The following PLS1 variants were observed in gnomAD, a reference collection of about 807,000 sequenced individuals.
The protein encoded by PLS1 is plastin-1.
Under a neutral mutation model 73.7 loss-of-function variants are expected in PLS1, and 32 were observed. That is an observed-to-expected ratio of 0.43 (90% CI 0.33 to 0.58). PLS1 has a LOEUF of 0.58. Among genes scored for constraint, PLS1 ranks in the 20% least tolerant of loss-of-function variants. The pLI, the probability that PLS1 is intolerant of heterozygous loss-of-function variation, is 0.04. For synonymous variants in PLS1, 217 were observed against 261.3 expected, an observed-to-expected ratio of 0.83 and a Z score of 1.63; for missense variants, 633 against 740.5, an observed-to-expected ratio of 0.85 and a Z score of 1.68.
intron 9 of PLS1, among the ~76,000 whole-genome samples, chr3:142,687,551 T>A (rs777873978): frequency 2.0e-5 from 3 of 152,098 alleles, no homozygotes; most frequent in Non-Finnish European, 4.4e-5. Flanking sequence ...GTAAAAAAAT[T>A]AGGAACTTAA....
chr3:142,600,207 G>T (rs1175411554), intron 1 of PLS1, among the ~76,000 whole-genome samples: 1 of 152,188 alleles, frequency 6.6e-6, no homozygotes, highest in Non-Finnish European at 1.5e-5. Flanking sequence ...GCCAGTTCAA[G>T]GTTGAGTGTA....
intron 1 of PLS1, among the ~76,000 whole-genome samples, chr3:142,613,906 C>A: frequency 6.6e-6 from 1 of 152,262 alleles, no homozygotes; most frequent in South Asian, 2.1e-4. Flanking sequence ...AAACAACATA[C>A]TTTTATTTGC....
intron 11 of PLS1, among the ~76,000 whole-genome samples, chr3:142,695,518 A>G (rs1577903149): frequency 6.6e-6 from 1 of 152,134 alleles, no homozygotes; most frequent in African/African-American, 2.4e-5. Flanking sequence ...CTGTTACAGT[A>G]GCAGGGAAGT....
chr3:142,603,378 C>G (rs2035959998), intron 1 of PLS1, among the ~76,000 whole-genome samples: 1 of 152,168 alleles, frequency 6.6e-6, no homozygotes, highest in Non-Finnish European at 1.5e-5. Context: ...TATTTCCTAG[C>G]AGAGTTAGAC....
chr3:142,674,914 A>T (rs1032219145), intron 4 of PLS1, among the ~76,000 whole-genome samples: 2 of 152,076 alleles, frequency 1.3e-5, no homozygotes, highest in African/African-American at 4.8e-5. Context: ...ATTTTTTAGT[A>T]GAGATGGGGT....
intron 1 of PLS1, among the ~76,000 whole-genome samples, chr3:142,659,283 C>A (rs2037311254): frequency 6.6e-6 from 1 of 152,134 alleles, no homozygotes; most frequent in South Asian, 2.1e-4. Flanking sequence ...GACAGGGCCA[C>A]TGTGGAAGAT....
At chr3:142,653,364 C>CTT (rs34669181) in intron 1 of PLS1, among the ~76,000 whole-genome samples, 2 of 132,212 alleles carry the variant, frequency 1.5e-5, no homozygotes, top group Non-Finnish European at 3.3e-5. Context: ...AGGTCAGAAA[C>CTT]TTTTTTTTTT....
rs1560059727 is a variant in PLS1, at chr3:142,669,558, GTAATC to G, written c.234+11_234+15del. The G allele has an allele frequency of 1.2e-6, 2 of 1,605,996 alleles. No individual in the cohort carries two copies. The highest frequency in any genetic ancestry group is 2.2e-5 in the East Asian group (1 of 44,722). On this transcript the variant is annotated splice_donor_region_variant and intron_variant, in intron 3 of 15. Coordinates refer to ENST00000457734, the MANE Select transcript of PLS1 (RefSeq NM_001145319.2). ...AGTTTTGAAGAGTTTGTGTCAGTAAGTAATCTAATCCTTTCGGGCTACTGATAATC... is the reference window on the plus strand; with the variant it reads ...AGTTTTGAAGAGTTTGTGTCAGTAAGTAATCCTTTCGGGCTACTGATAATC...
chr3:142,661,154 A>G (rs765049667), intron 1 of PLS1, among the ~76,000 whole-genome samples: 6 of 152,216 alleles, frequency 3.9e-5, no homozygotes, highest in Non-Finnish European at 8.8e-5. Context: ...ATGCTTAACA[A>G]TCCTAAAAAA....
At chr3:142,636,476 C>A (rs1336045889) in intron 1 of PLS1, among the ~76,000 whole-genome samples, 2 of 152,000 alleles carry the variant, frequency 1.3e-5, no homozygotes, top group African/African-American at 4.8e-5. Flanking sequence ...CCAGAAAATA[C>A]AAAACTTCTG....
intron 11 of PLS1, among the ~76,000 whole-genome samples, chr3:142,696,039 C>T (rs910109626): frequency 2.0e-5 from 3 of 152,180 alleles, no homozygotes; most frequent in African/African-American, 7.2e-5. Context: ...GGTGATCTGC[C>T]TGCCTCGGCC....
rs1254548189 is a variant in PLS1, at chr3:142,694,609, TA to T, written c.1256+63del. Reference sequence around the variant, plus strand: ...GTCCAACTTTTCAAGTTTCAAACTGTAGGCATGTTTAAATGGAACATTTTCT... The same window carrying T: ...GTCCAACTTTTCAAGTTTCAAACTGTGGCATGTTTAAATGGAACATTTTCT... On this transcript the variant is annotated intron_variant, in intron 11 of 15. Transcript: ENST00000457734. 4.3e-6 allele frequency: 4 copies of T among 923,530 alleles called. No homozygotes were observed. In the Admixed American group the frequency reaches 6.1e-5, roughly 14 times the overall value. The allele number at this position is 923,530 out of a possible 1,614,324, so 57.2% of individuals were successfully genotyped here. A position where few individuals can be genotyped will look rare whatever the true frequency, so the allele number is the denominator to read the frequency against.
intron 1 of PLS1, among the ~76,000 whole-genome samples, chr3:142,611,358 A>G (rs2036117402): frequency 6.6e-6 from 1 of 152,214 alleles, no homozygotes; most frequent in African/African-American, 2.4e-5. Flanking sequence ...ATGGTGGCTC[A>G]TGTCTGTAAT....
chr3:142,671,522 C>T (rs2037604210), intron 4 of PLS1, among the ~76,000 whole-genome samples: 1 of 152,050 alleles, frequency 6.6e-6, no homozygotes, highest in South Asian at 2.1e-4. Context: ...GGAGAGGCTT[C>T]TATCACAAGG....
At chr3:142,615,809 G>A (rs1307975207) in intron 1 of PLS1, among the ~76,000 whole-genome samples, 2 of 152,132 alleles carry the variant, frequency 1.3e-5, no homozygotes, top group East Asian at 3.9e-4. Context: ...ACCCCACTCT[G>A]TAAAAACCAC....
intron 1 of PLS1, among the ~76,000 whole-genome samples, chr3:142,623,054 G>A (rs73228782): frequency 0.093 from 14,081 of 152,144 alleles, 797 homozygotes; most frequent in Non-Finnish European, 0.13. Flanking sequence ...GTACTCCTGG[G>A]CTCAGGTGGT....
At chr3:142,626,087 C>T (rs1328614796) in intron 1 of PLS1, among the ~76,000 whole-genome samples, 11 of 152,136 alleles carry the variant, frequency 7.2e-5, no homozygotes, top group Admixed American at 7.2e-4. Flanking sequence ...TAAAACTAAA[C>T]TTAAGAGGAT....
chr3:142,669,664 G>T, intron 3 of PLS1, 111 bp downstream of exon 3: 1 of 594,914 alleles, frequency 1.7e-6, no homozygotes, highest in Non-Finnish European at 2.8e-6. Context: ...AAAAAGGACT[G>T]CTTTAAAATG....
chr3:142,658,889 G>A (rs953118803), intron 1 of PLS1, among the ~76,000 whole-genome samples: 4 of 152,120 alleles, frequency 2.6e-5, no homozygotes, highest in African/African-American at 7.2e-5. Flanking sequence ...GATGCTTGCC[G>A]TGAGAGAGTA....
Sources: gnomAD v4.1 joint callset for allele counts (sites outside exome capture counted in the v4.1 genomes callset) on GRCh38, gnomAD v4.1.1 for gene constraint, MANE v1.5 for transcripts, NCBI Gene and HGNC (gene_info 2026-07-23, HGNC 2026-07-21) for gene names.